NRXN1: variants seen among roughly 807,000 people sequenced by gnomAD.
NRXN1 encodes the protein neurexin-1.
Under a neutral mutation model 150.9 loss-of-function variants are expected in NRXN1, and 39 were observed. That is an observed-to-expected ratio of 0.26 (90% CI 0.20 to 0.34). The LOEUF (loss-of-function observed/expected upper bound fraction) is 0.34. NRXN1 is among the 10% of genes least tolerant of loss of function. The pLI is 1.00. For synonymous variants in NRXN1, 924 were observed against 757.0 expected (o/e 1.22, Z -3.62); for missense variants, 1,815 against 1,949.9 (o/e 0.93, Z 1.30).
At chr2:50,167,963 G>C (rs917610642) in intron 18 of NRXN1, among the ~76,000 whole-genome samples, 1 of 152,044 alleles carries the variant, frequency 6.6e-6, no homozygotes, top group Non-Finnish European at 1.5e-5. Context: ...AAATATCCAT[G>C]CATATTTGCT....
chr2:49,925,284 A>C (rs1247414368), intron 22 of NRXN1, among the ~76,000 whole-genome samples: 1 of 149,596 alleles, frequency 6.7e-6, no homozygotes, highest in Admixed American at 6.7e-5. Flanking sequence ...CCTCAACCAA[A>C]AAAAAAAAAA....
chr2:50,220,664 T>A (rs973951969), intron 18 of NRXN1, among the ~76,000 whole-genome samples: 2 of 152,064 alleles, frequency 1.3e-5, no homozygotes, highest in African/African-American at 4.8e-5. Flanking sequence ...TATCCCATTA[T>A]CAGTTCCACG....
intron 5 of NRXN1, among the ~76,000 whole-genome samples, chr2:50,828,319 G>GT (rs1388917884): frequency 2.7e-5 from 4 of 146,602 alleles, no homozygotes; most frequent in African/African-American, 1.0e-4. Context: ...GCCGGGAGGG[G>GT]GCTGAACCCC....
At chr2:50,746,905 A>C (rs750349306) in intron 5 of NRXN1, among the ~76,000 whole-genome samples, 6 of 152,088 alleles carry the variant, frequency 3.9e-5, no homozygotes, top group Non-Finnish European at 7.4e-5. Flanking sequence ...GGTTGGAAGC[A>C]AATTTTTTTT....
intron 5 of NRXN1, among the ~76,000 whole-genome samples, chr2:50,707,442 C>T (rs1254587434): frequency 6.6e-6 from 1 of 152,150 alleles, no homozygotes; most frequent in Non-Finnish European, 1.5e-5. Flanking sequence ...CAGTAGATTC[C>T]TTTCAGGCAG....
intron 18 of NRXN1, among the ~76,000 whole-genome samples, chr2:50,125,823 AGAACCTGC>A (rs767718064): frequency 1.2e-4 from 19 of 152,252 alleles, no homozygotes; most frequent in Middle Eastern, 3.4e-3. Context: ...GTAATATGAG[AGAACCTGC>A]ATATTTTTTG....
At chr2:50,455,341 CAG>C (rs1324390435) in intron 17 of NRXN1, among the ~76,000 whole-genome samples, 1 of 152,170 alleles carries the variant, frequency 6.6e-6, no homozygotes, top group Non-Finnish European at 1.5e-5. Context: ...TTCAGGGACT[CAG>C]ATACCGTAGG....
At chr2:50,189,910 G>T (rs895052634) in intron 18 of NRXN1, among the ~76,000 whole-genome samples, 1 of 152,144 alleles carries the variant, frequency 6.6e-6, no homozygotes, top group African/African-American at 2.4e-5. Context: ...ATGATACTCA[G>T]ATGAAGTATT....
chr2:50,163,490 C>T (rs1233096468), intron 18 of NRXN1, among the ~76,000 whole-genome samples: 1 of 152,094 alleles, frequency 6.6e-6, no homozygotes, highest in Non-Finnish European at 1.5e-5. Flanking sequence ...TTTACTTTTG[C>T]TAACACAGTT....
intron 5 of NRXN1, among the ~76,000 whole-genome samples, chr2:50,633,396 G>A (rs1244288902): frequency 2.0e-5 from 3 of 152,106 alleles, no homozygotes; most frequent in Non-Finnish European, 1.5e-5. Flanking sequence ...AGAGGAGAGG[G>A]TAATAAATAT....
intron 17 of NRXN1, among the ~76,000 whole-genome samples, chr2:50,407,875 A>G (rs768772392): frequency 4.6e-5 from 7 of 152,208 alleles, no homozygotes; most frequent in Non-Finnish European, 7.3e-5. Context: ...AAGTAACAGA[A>G]AAAGGAATAT....
At chr2:50,089,497 A>G (rs1263006054) in intron 19 of NRXN1, among the ~76,000 whole-genome samples, 1 of 152,174 alleles carries the variant, frequency 6.6e-6, no homozygotes, top group Non-Finnish European at 1.5e-5. Flanking sequence ...TTAAAAGCAC[A>G]TTTTTTAGGC....
At chr2:50,467,504 T>G (rs575063488) in intron 16 of NRXN1, among the ~76,000 whole-genome samples, 1 of 151,578 alleles carries the variant, frequency 6.6e-6, no homozygotes, top group Non-Finnish European at 1.5e-5. Context: ...AATAGATGAT[T>G]TTGAAAATGG....
chr2:50,453,476 A>T (rs564539905), intron 17 of NRXN1, among the ~76,000 whole-genome samples: 1 of 151,716 alleles, frequency 6.6e-6, no homozygotes, highest in Non-Finnish European at 1.5e-5. Context: ...TTTTTTCTCA[A>T]CTCCTCCAAC....
intron 5 of NRXN1, among the ~76,000 whole-genome samples, chr2:50,686,653 C>G (rs2104841542): frequency 6.6e-6 from 1 of 152,310 alleles, no homozygotes; most frequent in Admixed American, 6.5e-5. Flanking sequence ...CTTTCAAATA[C>G]AATTTCTTAG....
chr2:50,969,856 T>C (rs1167956953), intron 2 of NRXN1, among the ~76,000 whole-genome samples: 4 of 152,174 alleles, frequency 2.6e-5, no homozygotes, highest in Admixed American at 2.6e-4. Context: ...TATGTATATA[T>C]GGGAGCCTTC....
chr2:50,587,050 TG>T (rs1292520114), intron 8 of NRXN1, among the ~76,000 whole-genome samples: 14 of 104,502 alleles, frequency 1.3e-4, no homozygotes, highest in African/African-American at 4.4e-4. Context: ...TGAGTTCCAA[TG>T]CAATCTTGTC....
At chr2:50,792,784 G>T (rs1006829716) in intron 5 of NRXN1, among the ~76,000 whole-genome samples, 1 of 151,932 alleles carries the variant, frequency 6.6e-6, no homozygotes, top group Non-Finnish European at 1.5e-5. Context: ...AGATACTTTA[G>T]AGAATTTATT....
At chr2:50,265,474 T>G (rs986373905) in intron 17 of NRXN1, among the ~76,000 whole-genome samples, 4 of 152,128 alleles carry the variant, frequency 2.6e-5, no homozygotes, top group Non-Finnish European at 5.9e-5. Context: ...CCAACAAAAG[T>G]GCTACTGTGA....
Sources: gnomAD v4.1 joint callset for allele counts (sites outside exome capture counted in the v4.1 genomes callset) on GRCh38, gnomAD v4.1.1 for gene constraint, MANE v1.5 for transcripts, NCBI Gene and HGNC (gene_info 2026-07-23, HGNC 2026-07-21) for gene names.